Variants in PEAK1 observed in about 807,000 individuals in gnomAD.
PEAK1 encodes inactive tyrosine-protein kinase PEAK1.
In PEAK1, 54 loss-of-function variants were observed where a neutral mutation model predicts 124.7. The ratio of observed to expected loss-of-function variants is 0.43; its 90% CI spans 0.35 to 0.54. The LOEUF is 0.54. Among genes scored for constraint, PEAK1 ranks in the 20% least tolerant of loss-of-function variants. The probability of loss-of-function intolerance (pLI) is 0.01; values close to 1 mark genes in which losing one functional copy is unlikely to be tolerated. For missense variants in PEAK1, 2,046 were observed against 2,134.5 expected, an observed-to-expected ratio of 0.96 and a Z score of 0.82; for synonymous variants, 719 against 760.0, an observed-to-expected ratio of 0.95 and a Z score of 0.89.
At chr15:77,150,716 T>C (rs1176051373) in intron 8 of PEAK1, among the ~76,000 whole-genome samples, 2 of 135,552 alleles carry the variant, frequency 1.5e-5, no homozygotes, top group South Asian at 2.3e-4. Flanking sequence ...CCTGTGTCCA[T>C]GTGTTCTCAC....
In PEAK1 at chr15:77,348,956, T is replaced by G. The variant is rs1350066998; in HGVS notation, c.-603+16207A>C. 4 of 948,356 alleles carry G rather than the reference T, an allele frequency of 4.2e-6. No individual in the cohort carries two copies. In the African/African-American group the frequency reaches 7.1e-5, roughly 17 times the overall value. 58.7% of individuals were successfully genotyped at this position (948,356 alleles called of 1,614,324 possible). A position where few individuals can be genotyped will look rare whatever the true frequency, so the allele number is the denominator to read the frequency against. On this transcript the variant is annotated intron_variant, in intron 2 of 9. Transcript: ENST00000682557. ...CATGTATGGACTATGTCTCTTAAAA[T>G]AGAGATTTAAAGCCTTTCTTACTTA...
At chr15:77,419,523 G>C in intron 1 of PEAK1, 1 of 985,212 alleles carries the variant, frequency 1.0e-6, no homozygotes, top group Non-Finnish European at 1.2e-6. Flanking sequence ...CGACGCTGCC[G>C]GCGAGGCTGC....
At chr15:77,122,580 T>C (rs2052013933) in intron 9 of PEAK1, among the ~76,000 whole-genome samples, 1 of 152,108 alleles carries the variant, frequency 6.6e-6, no homozygotes, top group Non-Finnish European at 1.5e-5. Context: ...CCATGCTCCC[T>C]TTTCCCACCA....
At chr15:77,213,782 C>T (rs1171409931) in intron 6 of PEAK1, among the ~76,000 whole-genome samples, 1 of 152,136 alleles carries the variant, frequency 6.6e-6, no homozygotes, top group Non-Finnish European at 1.5e-5. Context: ...TTTATTAAGA[C>T]ATTATTTACA....
chr15:77,369,843 T>C (rs1311504586), intron 1 of PEAK1, among the ~76,000 whole-genome samples: 1 of 152,156 alleles, frequency 6.6e-6, no homozygotes. Flanking sequence ...TTCCATCTTC[T>C]GGATCTACTG....
At chr15:77,348,083 T>C in intron 2 of PEAK1, 1 of 984,996 alleles carries the variant, frequency 1.0e-6, no homozygotes, top group African/African-American at 1.7e-5. Flanking sequence ...TGGTCAGACA[T>C]TATTCATCTA....
intron 6 of PEAK1, among the ~76,000 whole-genome samples, chr15:77,248,665 C>T (rs1201950333): frequency 6.6e-6 from 1 of 152,190 alleles, no homozygotes. Flanking sequence ...TGGGACTCCC[C>T]AGCCTTCAGA....
Position 77,350,083 on chromosome 15 carries a change from C to A in PEAK1, c.-603+15080G>T, listed in dbSNP as rs543180158. The A allele has an allele frequency of 1.1e-5, 11 of 985,328 alleles. No individual in the cohort carries two copies. The East Asian group carries it at 1.1e-3, about 102-fold the overall frequency. The allele number at this position is 985,328 out of a possible 1,614,324, so 61.0% of individuals were successfully genotyped here. Reference sequence around the variant, plus strand: ...ATAGTTTTCAGATCATTTGTGCAAACATAATAAGAGCATACCCCCAAATAG... The same window carrying A: ...ATAGTTTTCAGATCATTTGTGCAAAAATAATAAGAGCATACCCCCAAATAG... On this transcript the variant is annotated intron_variant, in intron 2 of 9. Transcript: ENST00000682557.
intron 9 of PEAK1, among the ~76,000 whole-genome samples, chr15:77,121,996 T>C (rs1371561509): frequency 6.6e-6 from 1 of 152,206 alleles, no homozygotes; most frequent in African/African-American, 2.4e-5. Flanking sequence ...ATAATCCCAC[T>C]CTAAGAATAC....
chr15:77,403,850 C>T (rs996150449), intron 1 of PEAK1: 11 of 984,656 alleles, frequency 1.1e-5, no homozygotes, highest in Admixed American at 6.1e-5. Flanking sequence ...TATGCCCATG[C>T]CACATATTTA....
At chr15:77,269,003 C>T (rs1047363293) in intron 5 of PEAK1, among the ~76,000 whole-genome samples, 7 of 151,796 alleles carry the variant, frequency 4.6e-5, no homozygotes, top group South Asian at 2.1e-4. Context: ...CTACGAGCAC[C>T]GCTAAAAGGA....
At chr15:77,178,689 C>A (rs889428695) in intron 7 of PEAK1, 101 bp downstream of exon 7, 1 of 1,186,614 alleles carries the variant, frequency 8.4e-7, no homozygotes, top group Admixed American at 2.4e-5. Context: ...GTGCTACTTA[C>A]AAACAGAAAT....
chr15:77,199,618 G>C (rs1439063932), intron 6 of PEAK1, among the ~76,000 whole-genome samples: 1 of 152,214 alleles, frequency 6.6e-6, no homozygotes, highest in African/African-American at 2.4e-5. Flanking sequence ...ATTTATGACA[G>C]AGTTAATCAA....
chr15:77,364,819 C>T (rs1261375028), intron 2 of PEAK1, among the ~76,000 whole-genome samples: 1 of 152,118 alleles, frequency 6.6e-6, no homozygotes, highest in Non-Finnish European at 1.5e-5. Context: ...TTGTTTTAAT[C>T]TATGATTTAA....
At chr15:77,347,446 T>G (rs549430752) in intron 2 of PEAK1, 1 of 985,214 alleles carries the variant, frequency 1.0e-6, no homozygotes, top group African/African-American at 1.7e-5. Flanking sequence ...AGCAATATTG[T>G]TCTAGATAAG....
intron 7 of PEAK1, among the ~76,000 whole-genome samples, chr15:77,163,525 T>C (rs1265383294): frequency 6.6e-6 from 1 of 152,238 alleles, no homozygotes; most frequent in African/African-American, 2.4e-5. Flanking sequence ...ATAATCCTTT[T>C]TTTGTTTCTC....
At chr15:77,271,836 C>T (rs1314480814) in intron 5 of PEAK1, among the ~76,000 whole-genome samples, 5 of 151,854 alleles carry the variant, frequency 3.3e-5, no homozygotes, top group Admixed American at 6.6e-5. Context: ...ATGTAAATGA[C>T]GAGTTAATGG....
At chr15:77,301,183 G>T (rs192165734) in intron 2 of PEAK1, among the ~76,000 whole-genome samples, 1 of 152,274 alleles carries the variant, frequency 6.6e-6, no homozygotes, top group Admixed American at 6.5e-5. Flanking sequence ...GAAGTCTCTA[G>T]GGGTGAATCA....
intron 6 of PEAK1, among the ~76,000 whole-genome samples, chr15:77,226,589 A>G (rs1248336056): frequency 6.6e-6 from 1 of 152,084 alleles, no homozygotes; most frequent in Non-Finnish European, 1.5e-5. Flanking sequence ...AGTCCAAATA[A>G]AAACTTGGAG....
Sources: allele counts gnomAD v4.1 joint callset (sites outside exome capture counted in the v4.1 genomes callset), GRCh38; gene constraint gnomAD v4.1.1; transcripts MANE v1.5; gene names NCBI Gene and HGNC (gene_info 2026-07-23, HGNC 2026-07-21).